Variants in RRP15 observed in about 807,000 individuals in gnomAD.
RRP15 encodes RRP15-like protein.
Under a neutral mutation model 27.1 loss-of-function variants are expected in RRP15, and 18 were observed. That is an observed-to-expected ratio of 0.66 (90% CI 0.46 to 0.98). RRP15 has a LOEUF of 0.98. Ranked by LOEUF, RRP15 falls within the 50% of genes least tolerant of loss-of-function variation. RRP15 has a pLI of 0.00. For missense variants in RRP15, 359 were observed against 337.8 expected (o/e 1.06, Z -0.49); for synonymous variants, 107 against 109.4 (o/e 0.98, Z 0.14).
intron 1 of RRP15, among the ~76,000 whole-genome samples, chr1:218,287,589 G>A (rs1571789757): frequency 6.6e-6 from 1 of 152,122 alleles, no homozygotes; most frequent in South Asian, 2.1e-4. Flanking sequence ...GTAATATAGT[G>A]TATTAGTATA....
chr1:218,331,124 A>AT lies in RRP15; in HGVS notation c.*39dup, dbSNP rs200918227. The AT allele has an allele frequency of 0.033, 51,868 of 1,561,692 alleles. 1,034 individuals are homozygous for AT. The highest frequency in any genetic ancestry group is 0.079 in the East Asian group (3,377 of 42,936). The stretch of plus-strand genomic sequence containing the variant: ...TAGGAAATACAATTGCAGTCGTTTT[A>AT]TTTTTTCTAGAAAAATATGTCATCC... On this transcript the variant is annotated 3_prime_UTR_variant, in exon 5 of 5. Coordinates refer to ENST00000366932, the MANE Select transcript of RRP15 (RefSeq NM_016052.4).
rs1195581064 is a variant in RRP15, at chr1:218,295,804, A to C, written c.140-6490A>C. Reference sequence around the variant, plus strand: ...AGAGTCTATCTGTTTTGGCTTGCCCAATAGCACATGTAATCACATCTGAAA... The same window carrying C: ...AGAGTCTATCTGTTTTGGCTTGCCCCATAGCACATGTAATCACATCTGAAA... On this transcript the variant is annotated intron_variant, in intron 1 of 4. Coordinates refer to ENST00000366932, the MANE Select transcript of RRP15 (RefSeq NM_016052.4). Among the ~76,000 whole-genome samples, 5 of 152,214 alleles carry C rather than the reference A, an allele frequency of 3.3e-5. No individual in the cohort carries two copies. The South Asian group carries it at 8.3e-4, about 25-fold the overall frequency.
At chr1:218,286,522 C>G (rs568416559) in intron 1 of RRP15, among the ~76,000 whole-genome samples, 2 of 152,354 alleles carry the variant, frequency 1.3e-5, no homozygotes, top group Admixed American at 1.3e-4. Context: ...ACTCTTCTTC[C>G]TGCCTTCTTT....
chr1:218,322,643 C>G (rs1166641750), intron 4 of RRP15, among the ~76,000 whole-genome samples: 1 of 151,998 alleles, frequency 6.6e-6, no homozygotes, highest in Non-Finnish European at 1.5e-5. Flanking sequence ...ATTCTGCCTA[C>G]TCTTCATAGC....
intron 4 of RRP15, among the ~76,000 whole-genome samples, chr1:218,309,257 T>A (rs1655952093): frequency 6.6e-6 from 1 of 152,210 alleles, no homozygotes; most frequent in Non-Finnish European, 1.5e-5. Flanking sequence ...TTCTTTCTTT[T>A]AAAAATGTGT....
intron 4 of RRP15, among the ~76,000 whole-genome samples, chr1:218,308,694 T>C (rs1435832506): frequency 1.3e-5 from 2 of 152,232 alleles, no homozygotes; most frequent in Non-Finnish European, 1.5e-5. Context: ...TGAATCTACT[T>C]GTCTCTTTCT....
chr1:218,320,744 TAAAAC>T (rs1656174899), intron 4 of RRP15, among the ~76,000 whole-genome samples: 2 of 151,176 alleles, frequency 1.3e-5, no homozygotes, highest in Non-Finnish European at 3.0e-5. Flanking sequence ...TAAATGAAAT[TAAAAC>T]AAAACAAAAA....
intron 1 of RRP15, among the ~76,000 whole-genome samples, chr1:218,297,435 A>G (rs544832659): frequency 3.3e-5 from 5 of 152,144 alleles, no homozygotes; most frequent in Admixed American, 6.6e-5. Context: ...GTGCTTACTA[A>G]GGGGTAGGCA....
intron 4 of RRP15, among the ~76,000 whole-genome samples, chr1:218,315,642 G>A (rs1447549816): frequency 6.7e-6 from 1 of 149,892 alleles, no homozygotes; most frequent in Non-Finnish European, 1.5e-5. Context: ...TAGTAGAGAT[G>A]GGGTTTTACC....
chr1:218,320,032 T>C (rs1372173890), intron 4 of RRP15, among the ~76,000 whole-genome samples: 1 of 149,082 alleles, frequency 6.7e-6, no homozygotes, highest in East Asian at 1.9e-4. Flanking sequence ...TTTTTTTTTT[T>C]ACTATGTTTT....
intron 1 of RRP15, among the ~76,000 whole-genome samples, chr1:218,286,044 C>G (rs1655540020): frequency 6.6e-6 from 1 of 152,184 alleles, no homozygotes; most frequent in Non-Finnish European, 1.5e-5. Context: ...TGTTGCTCCT[C>G]TTTACCATCA....
intron 1 of RRP15, among the ~76,000 whole-genome samples, chr1:218,290,857 G>A (rs145510011): frequency 3.9e-5 from 6 of 152,232 alleles, no homozygotes; most frequent in African/African-American, 7.2e-5. Flanking sequence ...GGCCACATGC[G>A]GGGGGCATAC....
intron 4 of RRP15, among the ~76,000 whole-genome samples, chr1:218,325,658 G>T (rs1656260148): frequency 6.6e-6 from 1 of 152,106 alleles, no homozygotes; most frequent in South Asian, 2.1e-4. Context: ...TTTAGTTCCT[G>T]TTGTCCTGAA....
At position 218,331,169 on chromosome 1, in the gene RRP15, T is replaced by C. The variant is rs1035015710; in HGVS notation, c.*78T>C. On this transcript the variant is annotated 3_prime_UTR_variant, in exon 5 of 5. Coordinates refer to ENST00000366932, the MANE Select transcript of RRP15 (RefSeq NM_016052.4). Reference sequence around the variant, plus strand: ...TCATCCTCTGATAGTTGGGGAATTATAAGGATACCATTTGTAAGAAAGCCA... The same window carrying C: ...TCATCCTCTGATAGTTGGGGAATTACAAGGATACCATTTGTAAGAAAGCCA... 1.1e-5 allele frequency: 15 copies of C among 1,368,672 alleles called. No homozygotes were observed. In the Admixed American group the frequency reaches 2.6e-4, roughly 24 times the overall value. The allele number at this position is 1,368,672 out of a possible 1,614,324, so 84.8% of individuals were successfully genotyped here.
At chr1:218,291,240 C>A (rs1182118651) in intron 1 of RRP15, among the ~76,000 whole-genome samples, 9 of 151,900 alleles carry the variant, frequency 5.9e-5, no homozygotes, top group Non-Finnish European at 1.3e-4. Context: ...GAATTTGAGA[C>A]CAGCCTGGCT....
chr1:218,323,753 G>A (rs992075076), intron 4 of RRP15, among the ~76,000 whole-genome samples: 7 of 152,182 alleles, frequency 4.6e-5, no homozygotes, highest in African/African-American at 7.2e-5. Flanking sequence ...CCCAAAGTCC[G>A]GAGGGGGCCA....
In RRP15 at chr1:218,307,298, C is replaced by T. The variant is rs1655913701; in HGVS notation, c.504-133C>T. Reference sequence around the variant, plus strand: ...ATCAAATGTATTTAACCACTTATCCCGTTCTTTCCTTTGAGTACTTGTTAA... The same window carrying T: ...ATCAAATGTATTTAACCACTTATCCTGTTCTTTCCTTTGAGTACTTGTTAA... On this transcript the variant is annotated intron_variant, in intron 3 of 4. Transcript: ENST00000366932. 1.1e-5 allele frequency: 7 copies of T among 653,700 alleles called. 1 individual carries two copies. The highest frequency in any genetic ancestry group is 4.5e-5 in the South Asian group (2 of 44,344). The allele number at this position is 653,700 out of a possible 1,614,324, so 40.5% of individuals were successfully genotyped here.
chr1:218,294,622 C>T (rs764399447), intron 1 of RRP15, among the ~76,000 whole-genome samples: 14 of 151,728 alleles, frequency 9.2e-5, no homozygotes, highest in Middle Eastern at 3.2e-3. Flanking sequence ...TCCAGGAGTT[C>T]GGCTATCCAG....
rs1407502753 is a variant in RRP15 at position 218,302,182 on chromosome 1, C to A, written c.140-112C>A. ...TGTAGCTGTGGGACTCAGAAAAGTA[C>A]CCCCCTTGCAAAAATGGGGACAGGC... On this transcript the variant is annotated intron_variant, in intron 1 of 4. Transcript: ENST00000366932. 3 of 739,114 alleles carry A rather than the reference C, an allele frequency of 4.1e-6. No homozygotes were observed. In the African/African-American group the frequency reaches 5.3e-5, roughly 13 times the overall value. The allele number at this position is 739,114 out of a possible 1,614,324, so 45.8% of individuals were successfully genotyped here.
Sources: gnomAD v4.1 joint callset for allele counts (sites outside exome capture counted in the v4.1 genomes callset) on GRCh38, gnomAD v4.1.1 for gene constraint, MANE v1.5 for transcripts, NCBI Gene and HGNC (gene_info 2026-07-23, HGNC 2026-07-21) for gene names.